Variants in ARHGAP22 observed in about 807,000 individuals in gnomAD.
ARHGAP22 encodes the protein rho GTPase-activating protein 22.
A neutral mutation model predicts 59.1 loss-of-function variants in ARHGAP22; 48 were observed. The ratio of observed to expected loss-of-function variants is 0.81; its 90% CI spans 0.64 to 1.03. ARHGAP22 has a LOEUF of 1.03. Among genes scored for constraint, ARHGAP22 ranks in the 50% least tolerant of loss-of-function variants. The probability of loss-of-function intolerance (pLI) is 0.00; values close to 1 mark genes in which losing one functional copy is unlikely to be tolerated. For missense variants in ARHGAP22, 1,015 were observed against 958.7 expected, an observed-to-expected ratio of 1.06 and a Z score of -0.78; for synonymous variants, 445 against 416.4, an observed-to-expected ratio of 1.07 and a Z score of -0.84.
At chr10:48,520,186 G>A (rs1012430674) in intron 3 of ARHGAP22, among the ~76,000 whole-genome samples, 1 of 152,222 alleles carries the variant, frequency 6.6e-6, no homozygotes, top group Non-Finnish European at 1.5e-5. Flanking sequence ...GCCGCAGACA[G>A]GCACTGCAGA....
intron 1 of ARHGAP22, among the ~76,000 whole-genome samples, chr10:48,628,444 T>A (rs2061521864): frequency 6.6e-6 from 1 of 152,194 alleles, no homozygotes; most frequent in Non-Finnish European, 1.5e-5. Context: ...CTAAGTCTGC[T>A]GGGTTGAGTA....
intron 3 of ARHGAP22, among the ~76,000 whole-genome samples, chr10:48,494,915 T>A (rs2050765975): frequency 6.6e-6 from 1 of 152,206 alleles, no homozygotes; most frequent in African/African-American, 2.4e-5. Flanking sequence ...CCCACCTCCT[T>A]GCATGGCTGA....
chr10:48,500,251 G>A (rs2051364499), intron 3 of ARHGAP22, among the ~76,000 whole-genome samples: 1 of 152,202 alleles, frequency 6.6e-6, no homozygotes, highest in South Asian at 2.1e-4. Flanking sequence ...GGCTGAGGTA[G>A]GAGGGTAACT....
intron 3 of ARHGAP22, among the ~76,000 whole-genome samples, chr10:48,483,596 C>T (rs2049554954): frequency 6.6e-6 from 1 of 152,004 alleles, no homozygotes; most frequent in South Asian, 2.1e-4. Context: ...TTATAATAGG[C>T]ATTCAAACTA....
rs60791119 is a variant in ARHGAP22, at chr10:48,485,784, G to T, written c.323-6020C>A. 1.0e-3 allele frequency among the ~76,000 whole-genome samples: 159 copies of T among 152,238 alleles called. 1 individual carries two copies. The highest frequency in any genetic ancestry group is 3.6e-3 in the African/African-American group (150 of 41,546). ...CTAGTCATATTTTTTACTCTGGTCT[G>T]AAATCCTTGATATAAATATAGCCAT... On this transcript the variant is annotated intron_variant, in intron 3 of 9. Transcript: ENST00000249601.
chr10:48,629,567 A>G (rs1282785074), intron 1 of ARHGAP22, among the ~76,000 whole-genome samples: 1 of 152,196 alleles, frequency 6.6e-6, no homozygotes, highest in East Asian at 1.9e-4. Flanking sequence ...GATTCCATTC[A>G]TCCACGTGTC....
At chr10:48,462,610 C>A (rs1214824929) in intron 4 of ARHGAP22, among the ~76,000 whole-genome samples, 5 of 152,208 alleles carry the variant, frequency 3.3e-5, no homozygotes, top group Non-Finnish European at 7.3e-5. Flanking sequence ...TGAGGCATCC[C>A]CCAATCCAGC....
intron 9 of ARHGAP22, among the ~76,000 whole-genome samples, chr10:48,449,136 G>T (rs919985018): frequency 2.6e-5 from 4 of 152,308 alleles, no homozygotes; most frequent in Admixed American, 6.5e-5. Context: ...CCTTCTGTAT[G>T]GTAAGAGTTC....
At chr10:48,570,656 G>A (rs1271448287) in intron 2 of ARHGAP22, among the ~76,000 whole-genome samples, 1 of 152,210 alleles carries the variant, frequency 6.6e-6, no homozygotes, top group Non-Finnish European at 1.5e-5. Flanking sequence ...AGACTTGCAG[G>A]TGGGAAGTAG....
In ARHGAP22 at chr10:48,450,800, C is replaced by T. The variant is rs757119191; in HGVS notation, c.1329G>A (p.Lys443=). 1 of 1,575,024 alleles carries T rather than the reference C, an allele frequency of 6.3e-7. No homozygotes were observed. Among genetic ancestry groups the T allele is most frequent in the Admixed American group, 1.8e-5 (1 of 55,766 alleles). The stretch of plus-strand genomic sequence containing the variant: ...GCACCTCCAGGGATGAGCCGCCCCC[C>T]TTCGGGCTTCCCGATAGGGACCTCG... ...RQPRSLSGSP[K]GGGSSLEVPI... The change falls in exon 9 of 10, where the codon AAG becomes AAA. Residue 443 remains lysine, a synonymous_variant. Transcript: ENST00000249601.
exon 1 of ARHGAP22, chr10:48,652,607 A>C (rs1381458413): frequency 2.9e-6 from 1 of 348,336 alleles, no homozygotes; most frequent in East Asian, 5.0e-5. Context: ...AGAACAAAGA[A>C]TTGAGAAGTG....
At position 48,448,043 on chromosome 10, in the gene ARHGAP22, G is replaced by A. The variant is rs373615659; in HGVS notation, c.1869-1424C>T. On this transcript the variant is annotated intron_variant, in intron 9 of 9. Transcript: ENST00000249601. Reference sequence around the variant, plus strand: ...CCTTGTCCCCTGGCAAGCTCTGCTCGGCATGGCACCCAGGTGCACCTGTCA... The same window carrying A: ...CCTTGTCCCCTGGCAAGCTCTGCTCAGCATGGCACCCAGGTGCACCTGTCA... 6.6e-5 allele frequency among the ~76,000 whole-genome samples: 10 copies of A among 151,076 alleles called. No individual in the cohort carries two copies. The South Asian group carries it at 1.0e-3, about 16-fold the overall frequency.
rs1331471031 is a variant in ARHGAP22 at position 48,604,827 on chromosome 10, G to C, written c.-31C>G. 4 of 1,613,962 alleles carry C rather than the reference G, an allele frequency of 2.5e-6. No individual in the cohort carries two copies. The highest frequency in any genetic ancestry group is 2.7e-5 in the African/African-American group (2 of 74,910). ...TGCAGCCGTCCGGCCAGCCCCGCAG[G>C]GCCGTTCATGCTGTCATCCACTTGC... On this transcript the variant is annotated 5_prime_UTR_variant, in exon 1 of 10. Transcript: ENST00000249601.
rs1827501724 is a variant in ARHGAP22 at position 48,455,073 on chromosome 10, G to C, written c.721C>G (p.Pro241Ala). 1 of 1,612,310 alleles carries C rather than the reference G, an allele frequency of 6.2e-7. No homozygotes were observed. The highest frequency in any genetic ancestry group is 1.3e-5 in the African/African-American group (1 of 74,932). ...TCGTACCTGGCGAAGGGGACCACGGGCTCGGGGAGCTCCCGCAGGTACAGC... is the reference window on the plus strand; with the variant it reads ...TCGTACCTGGCGAAGGGGACCACGGCCTCGGGGAGCTCCCGCAGGTACAGC... The part of the protein sequence containing the change: ...LKLYLRELPE[P>A]VVPFARYEDF... The change falls in exon 6 of 10, where the codon CCC becomes GCC. Residue 241 changes from proline (P) to alanine (A), a missense_variant. Transcript: ENST00000249601.
intron 3 of ARHGAP22, among the ~76,000 whole-genome samples, chr10:48,523,318 T>C (rs779828454): frequency 5.3e-5 from 8 of 152,074 alleles, no homozygotes; most frequent in Admixed American, 1.3e-4. Context: ...TAGGGTCAGG[T>C]GAGTTTAGGG....
intron 1 of ARHGAP22, among the ~76,000 whole-genome samples, chr10:48,646,693 C>T (rs1278101437): frequency 1.3e-5 from 2 of 152,162 alleles, no homozygotes; most frequent in Admixed American, 1.3e-4. Flanking sequence ...AGCAACAAAA[C>T]AACCCTTTGA....
At chr10:48,649,907 T>C (rs1293544934) in intron 1 of ARHGAP22, among the ~76,000 whole-genome samples, 2 of 152,036 alleles carry the variant, frequency 1.3e-5, no homozygotes, top group African/African-American at 4.8e-5. Context: ...GGACCTTTCA[T>C]TTGCCCTCAA....
At chr10:48,502,485 G>A (rs2051625533) in intron 3 of ARHGAP22, among the ~76,000 whole-genome samples, 1 of 152,110 alleles carries the variant, frequency 6.6e-6, no homozygotes. Flanking sequence ...TTCCCACTGG[G>A]CTCCTGCTTG....
At chr10:48,580,748 G>T (rs538400636) in intron 2 of ARHGAP22, among the ~76,000 whole-genome samples, 1 of 152,238 alleles carries the variant, frequency 6.6e-6, no homozygotes, top group East Asian at 1.9e-4. Context: ...TAGCCTAGGA[G>T]TGAGCCTGAG....
Sources: gnomAD v4.1 joint callset for allele counts (sites outside exome capture counted in the v4.1 genomes callset) on GRCh38, gnomAD v4.1.1 for gene constraint, MANE v1.5 for transcripts, NCBI Gene and HGNC (gene_info 2026-07-23, HGNC 2026-07-21) for gene names.